Variants in PPP1R37 observed in about 807,000 individuals in gnomAD.
PPP1R37 encodes leucine rich repeat containing 68.
PPP1R37 carries 21 observed loss-of-function variants against 61.0 expected under a neutral mutation model. The observed-to-expected ratio is 0.34, with a 90% confidence interval of 0.24 to 0.50. PPP1R37 has a LOEUF of 0.50. Among genes scored for constraint, PPP1R37 ranks in the 20% least tolerant of loss-of-function variants. The probability of loss-of-function intolerance (pLI) is 0.98; values close to 1 mark genes in which losing one functional copy is unlikely to be tolerated. For missense variants in PPP1R37, 910 were observed against 952.7 expected, an observed-to-expected ratio of 0.96 and a Z score of 0.59; for synonymous variants, 443 against 433.5, an observed-to-expected ratio of 1.02 and a Z score of -0.27.
chr19:45,105,559 T>A (rs1484778090), intron 1 of PPP1R37, among the ~76,000 whole-genome samples: 1 of 152,086 alleles, frequency 6.6e-6, no homozygotes, highest in Admixed American at 6.5e-5. Flanking sequence ...GGTGACCTAA[T>A]TCCCCATTCC....
chr19:45,118,910 C>G lies in PPP1R37; in HGVS notation c.203-19604C>G, dbSNP rs1485748498. ...GGTGCCAGACCTCCCTCCCGGCCCA[C>G]CTGCCGCCTCTGGGTTCCTTGTGGG... On this transcript the variant is annotated intron_variant, in intron 1 of 12. Transcript: ENST00000221462. Among the ~76,000 whole-genome samples the G allele has an allele frequency of 2.0e-5, 3 of 151,946 alleles. No individual in the cohort carries two copies. The East Asian group carries it at 5.8e-4, about 29-fold the overall frequency.
intron 1 of PPP1R37, among the ~76,000 whole-genome samples, chr19:45,124,433 C>T (rs1007244915): frequency 6.6e-6 from 1 of 152,068 alleles, no homozygotes; most frequent in African/African-American, 2.4e-5. Flanking sequence ...CCCAATGATC[C>T]TAGAAATTCT....
In PPP1R37 at chr19:45,145,119, C is replaced by T. The variant is rs1968670784; in HGVS notation, c.1155C>T (p.Ile385=). The T allele has an allele frequency of 2.0e-6, 3 of 1,534,066 alleles. No homozygotes were observed. The highest frequency in any genetic ancestry group is 2.7e-5 in the African/African-American group (2 of 72,786). ...GCGCGGTGGCGGTGGCGGAGTTCAT[C>T]GCTGAGAGCCCCCGCCTCCTGAGAC... ...CEGAVAVAEF[I]AESPRLLRLD... The change falls in exon 10 of 13, where the codon ATC becomes ATT. Residue 385 remains isoleucine (I), a synonymous_variant. Transcript: ENST00000221462.
In PPP1R37 at chr19:45,141,926, A is replaced by G. The variant is rs1968617244; in HGVS notation, c.568-135A>G. 9.1e-6 allele frequency: 9 copies of G among 988,756 alleles called. No individual in the cohort carries two copies. The South Asian group carries it at 1.4e-4, about 16-fold the overall frequency. 61.2% of individuals were successfully genotyped at this position (988,756 alleles called of 1,614,324 possible). On this transcript the variant is annotated intron_variant, in intron 5 of 12. Transcript: ENST00000221462. ...AAACAAGGCGACATAGCCAGACGAC[A>G]GCTGTGGCTTCGTTGCTCATTGAGA...
chr19:45,135,162 C>T (rs759027955), intron 1 of PPP1R37, among the ~76,000 whole-genome samples: 15 of 152,246 alleles, frequency 9.9e-5, no homozygotes, highest in Middle Eastern at 3.4e-3. Flanking sequence ...GCAGGAGAAT[C>T]GCTTGAACCA....
Position 45,125,886 on chromosome 19 carries a change from G to A in PPP1R37, c.203-12628G>A, listed in dbSNP as rs185827284. Among the ~76,000 whole-genome samples the A allele has an allele frequency of 4.7e-4, 72 of 152,324 alleles. 2 individuals carry two copies. The East Asian group carries it at 0.013, about 27-fold the overall frequency. ...CTCTTCGTCCTTTCCCAGACCCCAC[G>A]CCAAGGCAGAGCTCCCTGTGGGATG... On this transcript the variant is annotated intron_variant, in intron 1 of 12. Coordinates refer to ENST00000221462, the MANE Select transcript of PPP1R37 (RefSeq NM_019121.2).
chr19:45,114,283 C>G (rs958381667), intron 1 of PPP1R37, among the ~76,000 whole-genome samples: 4 of 152,236 alleles, frequency 2.6e-5, no homozygotes, highest in Non-Finnish European at 5.9e-5. Flanking sequence ...TTGCCTGTTC[C>G]CAGGGGTCCT....
chr19:45,113,436 C>A (rs987712956), intron 1 of PPP1R37, among the ~76,000 whole-genome samples: 1 of 152,232 alleles, frequency 6.6e-6, no homozygotes, highest in Non-Finnish European at 1.5e-5. Flanking sequence ...GGAATTGCTG[C>A]CCCATTTTAC....
At chr19:45,138,343 G>T (rs1461149662) in intron 1 of PPP1R37, among the ~76,000 whole-genome samples, 171 bp from the exon 2 acceptor site, 1 of 152,152 alleles carries the variant, frequency 6.6e-6, no homozygotes, top group Non-Finnish European at 1.5e-5. Context: ...ACTTTACCTC[G>T]GGCAGTGGCC....
chr19:45,107,214 C>A (rs115490201), intron 1 of PPP1R37, among the ~76,000 whole-genome samples: 6 of 151,916 alleles, frequency 3.9e-5, no homozygotes, highest in Middle Eastern at 3.4e-3. Flanking sequence ...TTGAGCCAGC[C>A]GGGCACAGTG....
chr19:45,120,194 T>A (rs1390103030), intron 1 of PPP1R37, among the ~76,000 whole-genome samples: 2 of 151,990 alleles, frequency 1.3e-5, no homozygotes, highest in Non-Finnish European at 2.9e-5. Flanking sequence ...ATGTTTTGTA[T>A]TTTTAGTAGA....
At chr19:45,141,176 C>T in intron 4 of PPP1R37, 146 bp from the exon 5 acceptor site, 1 of 848,552 alleles carries the variant, frequency 1.2e-6, no homozygotes, top group East Asian at 2.9e-5. Context: ...GCTCACGGGG[C>T]CCTGTCTGTG....
chr19:45,117,016 G>A (rs987955275), intron 1 of PPP1R37, among the ~76,000 whole-genome samples: 14 of 151,402 alleles, frequency 9.2e-5, no homozygotes, highest in East Asian at 3.9e-4. Flanking sequence ...CAGCTCAAGC[G>A]ATTCTCCTGT....
intron 1 of PPP1R37, among the ~76,000 whole-genome samples, chr19:45,095,608 CG>C (rs1263089709): frequency 5.9e-5 from 9 of 151,854 alleles, no homozygotes; most frequent in Non-Finnish European, 1.2e-4. Flanking sequence ...GCAAAATATA[CG>C]AAAATTAGCC....
At chr19:45,114,355 CT>C (rs1431641522) in intron 1 of PPP1R37, among the ~76,000 whole-genome samples, 59 of 152,366 alleles carry the variant, frequency 3.9e-4, no homozygotes, top group African/African-American at 1.3e-3. Flanking sequence ...CCTTGTTCCT[CT>C]TTCTCTCTTC....
rs528142207 is a variant in PPP1R37 at position 45,144,700 on chromosome 19, C to T, written c.988-154C>T. 4.7e-5 allele frequency: 30 copies of T among 638,738 alleles called. No individual in the cohort carries two copies. The African/African-American group carries it at 5.1e-4, about 11-fold the overall frequency. The allele number at this position is 638,738 out of a possible 1,614,324, so 39.6% of individuals were successfully genotyped here. Reference sequence around the variant, plus strand: ...CAGGAGGGACTTCAGGCCAGGCCTGCGGCAGGGCAGGACGGCGCCGGTGTT... The same window carrying T: ...CAGGAGGGACTTCAGGCCAGGCCTGTGGCAGGGCAGGACGGCGCCGGTGTT... On this transcript the variant is annotated intron_variant, in intron 8 of 12. Coordinates refer to ENST00000221462, the MANE Select transcript of PPP1R37 (RefSeq NM_019121.2).
In PPP1R37 at chr19:45,145,131, C is replaced by T; in HGVS notation, c.1167C>T (p.Pro389=). The T allele has an allele frequency of 6.5e-7, 1 of 1,534,712 alleles. No homozygotes were observed. ...TGGCGGAGTTCATCGCTGAGAGCCCCCGCCTCCTGAGACTGGACCTTCGGG... is the reference window on the plus strand; with the variant it reads ...TGGCGGAGTTCATCGCTGAGAGCCCTCGCCTCCTGAGACTGGACCTTCGGG... The part of the protein sequence containing the change: ...VAVAEFIAES[P]RLLRLDLREN... The change falls in exon 10 of 13, where the codon CCC becomes CCT. Residue 389 remains proline (P), a synonymous_variant. Transcript: ENST00000221462.
chr19:45,141,371 A>G lies in PPP1R37; in HGVS notation c.497A>G (p.His166Arg). 1 of 1,535,676 alleles carries G rather than the reference A, an allele frequency of 6.5e-7. No individual in the cohort carries two copies. The highest frequency in any genetic ancestry group is 8.7e-7 in the Non-Finnish European group (1 of 1,146,722). Residue 166 changes from histidine (H) to arginine (R), a missense_variant, in exon 5 of 13, where the codon CAC becomes CGC. Physicochemically the swap from His to Arg is conservative, Grantham distance 29. Around this residue, in one of 3 missense-constraint regions of PPP1R37, gnomAD observed 280 missense variants for 382.2 expected, o/e 0.73. Coordinates refer to ENST00000221462, the MANE Select transcript of PPP1R37 (RefSeq NM_019121.2). ...ATCGAGTACTACGAGTCGGCCACCC[A>G]CCTCAACATCTCCTTCAACAAGCAC... ...DMIEYYESAT[H>R]LNISFNKHIG...
chr19:45,134,470 T>C (rs1298475054), intron 1 of PPP1R37, among the ~76,000 whole-genome samples: 1 of 152,200 alleles, frequency 6.6e-6, no homozygotes, highest in African/African-American at 2.4e-5. Flanking sequence ...TTTTTTCTTA[T>C]TAATAGATTG....
Sources: gnomAD v4.1 joint callset for allele counts (sites outside exome capture counted in the v4.1 genomes callset) on GRCh38, gnomAD v4.1.1 for gene constraint, gnomAD v4.1.1 regional missense constraint, MANE v1.5 for transcripts, NCBI Gene and HGNC (gene_info 2026-07-23, HGNC 2026-07-21) for gene names.